Variants in ACOT13 observed in about 807,000 individuals in gnomAD.
The protein encoded by ACOT13 is acyl-CoA thioesterase 13, also known as acyl-coenzyme A thioesterase 13.
A neutral mutation model predicts 11.8 loss-of-function variants in ACOT13; 10 were observed. The observed-to-expected ratio is 0.85, with a 90% CI of 0.53 to 1.44. The LOEUF (loss-of-function observed/expected upper bound fraction) is 1.44, where lower values mean the gene tolerates loss of function less well. ACOT13 is among the 40% of genes most tolerant of loss of function. ACOT13 has a pLI of 0.00. For synonymous variants in ACOT13, 53 were observed against 61.0 expected (o/e 0.87, Z 0.61); for missense variants, 172 against 174.1 (o/e 0.99, Z 0.07).
At chr6:24,687,836 A>G in intron 1 of ACOT13, 1 of 864,924 alleles carries the variant, frequency 1.2e-6, no homozygotes. Flanking sequence ...TTCAGCCTCC[A>G]GAGCAGCTGG....
Position 24,703,021 on chromosome 6 carries a change from GA to G in ACOT13, c.*1408del, listed in dbSNP as rs1411930349. On this transcript the variant is annotated 3_prime_UTR_variant, in exon 3 of 3. Transcript: ENST00000230048. ...TCCACCTCAGTCTCCTGAGTAGCTG[GA>G]ACTACAGGCGTGTGCCACCACGCCT... is the stretch of plus-strand genomic sequence containing the variant. 7 of 152,234 alleles carry G rather than the reference GA, an allele frequency of 4.6e-5. No individual in the cohort carries two copies. Among genetic ancestry groups the G allele is most frequent in the African/African-American group, 1.7e-4 (7 of 41,478 alleles). The allele number at this position is 152,234 out of a possible 1,614,324, so 9.4% of individuals were successfully genotyped here.
chr6:24,681,495 C>CTT (rs34612446), intron 1 of ACOT13, among the ~76,000 whole-genome samples: 4 of 59,502 alleles, frequency 6.7e-5, no homozygotes, highest in East Asian at 1.4e-3. Flanking sequence ...ATAGGGCACA[C>CTT]TTTTTTTTTT....
intron 1 of ACOT13, among the ~76,000 whole-genome samples, chr6:24,676,723 G>T (rs1778460173): frequency 6.6e-6 from 1 of 152,112 alleles, no homozygotes. Context: ...CTAATAGAGG[G>T]TCCTGCCTTG....
In ACOT13 at chr6:24,675,535, G is replaced by A. The variant is rs2127622277; in HGVS notation, c.81+8191G>A. Reference sequence around the variant, plus strand: ...TGGCTGCATAAATGTCTTATTTTGAGAAGTGTCTGTTCATATCCTTTGCCC... The same window carrying A: ...TGGCTGCATAAATGTCTTATTTTGAAAAGTGTCTGTTCATATCCTTTGCCC... On this transcript the variant is annotated intron_variant, in intron 1 of 2. Coordinates refer to ENST00000230048, the MANE Select transcript of ACOT13 (RefSeq NM_018473.4). 1.3e-5 allele frequency among the ~76,000 whole-genome samples: 2 copies of A among 152,312 alleles called. 1 individual carries two copies. The highest frequency in any genetic ancestry group is 3.9e-4 in the East Asian group (2 of 5,174).
Position 24,694,217 on chromosome 6 carries a change from G to A in ACOT13, c.82-3666G>A, listed in dbSNP as rs529432284. On this transcript the variant is annotated intron_variant, in intron 1 of 2. Transcript: ENST00000230048. ...GTCCAACCTGCAGGATCCTGGGACTGAACACATCTGGACAGTTCTCTGTAT... is the reference window on the plus strand; with the variant it reads ...GTCCAACCTGCAGGATCCTGGGACTAAACACATCTGGACAGTTCTCTGTAT... 3.5e-4 allele frequency among the ~76,000 whole-genome samples: 54 copies of A among 152,278 alleles called. No individual in the cohort carries two copies. In the Middle Eastern group the frequency reaches 0.01, roughly 29 times the overall value.
chr6:24,674,523 G>A (rs1029247719), intron 1 of ACOT13, among the ~76,000 whole-genome samples: 10 of 151,868 alleles, frequency 6.6e-5, no homozygotes, highest in East Asian at 1.9e-4. Context: ...ATTCTCCTGC[G>A]TCAGCCTCCT....
chr6:24,697,962 C>T lies in ACOT13; in HGVS notation c.161C>T (p.Thr54Ile), dbSNP rs1223149370. ...GAAGAGCATACCAATGCAATAGGCA[C>T]TCTCCACGGCGGTTTGACAGCCACG... Reference protein sequence around the residue: ...VEEEHTNAIGTLHGGLTATLV... With the variant: ...VEEEHTNAIGILHGGLTATLV... Residue 54 changes from threonine (T) to isoleucine (I), a missense_variant, in exon 2 of 3, where the codon ACT (threonine) becomes ATT (isoleucine). By Grantham distance (89) the Thr-to-Ile change is moderately conservative. Transcript: ENST00000230048. 9 of 1,613,872 alleles carry T rather than the reference C, an allele frequency of 5.6e-6. No individual in the cohort carries two copies. The highest frequency in any genetic ancestry group is 7.6e-6 in the Non-Finnish European group (9 of 1,179,908).
In ACOT13 at chr6:24,703,685, T is replaced by TA. The variant is rs1778936096; in HGVS notation, c.*2071dup. 6.6e-6 allele frequency: 1 copy of TA among 152,204 alleles called. No individual in the cohort carries two copies. The highest frequency in any genetic ancestry group is 2.4e-5 in the African/African-American group (1 of 41,434). The allele number at this position is 152,204 out of a possible 1,614,324, so 9.4% of individuals were successfully genotyped here. ...CATAGTTAAAGACTGGTTTGGGTTT[T>TA]AGTCTGGAAAGAATCGCCAAGGGAG... On this transcript the variant is annotated 3_prime_UTR_variant, in exon 3 of 3. Transcript: ENST00000230048.
Position 24,701,769 on chromosome 6 carries a change from T to TG in ACOT13, c.*159dup, listed in dbSNP as rs1778896742. 7.2e-6 allele frequency: 5 copies of TG among 690,630 alleles called. No homozygotes were observed. Among genetic ancestry groups the TG allele is most frequent in the Non-Finnish European group, 1.1e-5 (5 of 451,094 alleles). The allele number at this position is 690,630 out of a possible 1,614,324, so 42.8% of individuals were successfully genotyped here. A position where few individuals can be genotyped will look rare whatever the true frequency, so the allele number is the denominator to read the frequency against. On this transcript the variant is annotated 3_prime_UTR_variant, in exon 3 of 3. Coordinates refer to ENST00000230048, the MANE Select transcript of ACOT13 (RefSeq NM_018473.4). ...ACCTGGATATCAAGTAGGGTAAAGG[T>TG]GGGGGTGTCTTTTTTCACTTTAAGC...
intron 1 of ACOT13, among the ~76,000 whole-genome samples, chr6:24,685,332 C>CCT: frequency 8.6e-6 from 1 of 116,784 alleles, no homozygotes; most frequent in Admixed American, 9.0e-5. Flanking sequence ...TTTTACTGTA[C>CCT]TTTTTTTTTT....
intron 2 of ACOT13, among the ~76,000 whole-genome samples, chr6:24,698,648 T>C (rs1778838312): frequency 6.6e-6 from 1 of 151,982 alleles, no homozygotes. Context: ...TGGGGTTTTT[T>C]TTTTTTTTTG....
At position 24,701,767 on chromosome 6, in the gene ACOT13, G is replaced by A; in HGVS notation, c.*152G>A. 1.4e-6 allele frequency: 1 copy of A among 703,246 alleles called. No individual in the cohort carries two copies. Among genetic ancestry groups the A allele is most frequent in the Non-Finnish European group, 2.2e-6 (1 of 461,540 alleles). 43.6% of individuals were successfully genotyped at this position (703,246 alleles called of 1,614,324 possible). ...GGACCTGGATATCAAGTAGGGTAAA[G>A]GTGGGGGTGTCTTTTTTCACTTTAA... On this transcript the variant is annotated 3_prime_UTR_variant, in exon 3 of 3. Coordinates refer to ENST00000230048, the MANE Select transcript of ACOT13 (RefSeq NM_018473.4).
chr6:24,672,543 G>A (rs113813343), intron 1 of ACOT13, among the ~76,000 whole-genome samples: 1 of 152,332 alleles, frequency 6.6e-6, no homozygotes, highest in African/African-American at 2.4e-5. Flanking sequence ...GGAGGCTGAG[G>A]CAGGAGAATC....
chr6:24,667,297 A>T lies in ACOT13; in HGVS notation c.34A>T (p.Ile12Leu), dbSNP rs1483665192. ...CATGACTCAGTCTCTGCGGGAGGTG[A>T]TAAAGGCCATGACCAAGGCTCGCAA... ...TSMTQSLREV[I>L]KAMTKARNFE... is the part of the protein sequence containing the mutation. Residue 12 changes from isoleucine (I) to leucine (L), a missense_variant, in exon 1 of 3, where the codon ATA (isoleucine) becomes TTA (leucine). By Grantham distance (5) the Ile-to-Leu change is conservative (BLOSUM62 2). Coordinates refer to ENST00000230048, the MANE Select transcript of ACOT13 (RefSeq NM_018473.4). 2 of 1,614,232 alleles carry T rather than the reference A, an allele frequency of 1.2e-6. No individual in the cohort carries two copies. Among genetic ancestry groups the T allele is most frequent in the South Asian group, 2.2e-5 (2 of 91,082 alleles).
chr6:24,673,382 A>G (rs1165427949), intron 1 of ACOT13, among the ~76,000 whole-genome samples: 1 of 151,638 alleles, frequency 6.6e-6, no homozygotes, highest in Non-Finnish European at 1.5e-5. Context: ...TTTTTTTGAA[A>G]TAGAGTCTCG....
chr6:24,676,183 G>C (rs1778452288), intron 1 of ACOT13, among the ~76,000 whole-genome samples: 1 of 152,140 alleles, frequency 6.6e-6, no homozygotes, highest in Non-Finnish European at 1.5e-5. Context: ...TTGTTCTTTT[G>C]GCTTAGGATT....
intron 2 of ACOT13, among the ~76,000 whole-genome samples, chr6:24,699,273 A>G (rs945958688): frequency 2.8e-5 from 4 of 142,734 alleles, no homozygotes; most frequent in Non-Finnish European, 4.5e-5. Flanking sequence ...GCAGTGGTGC[A>G]GTCTCGGCTC....
intron 1 of ACOT13, among the ~76,000 whole-genome samples, chr6:24,686,647 T>C (rs564372821): frequency 4.6e-5 from 7 of 151,694 alleles, no homozygotes; most frequent in Non-Finnish European, 8.8e-5. Context: ...CTTTCTCTCT[T>C]TCTTCTCTCT....
intron 2 of ACOT13, among the ~76,000 whole-genome samples, chr6:24,698,881 C>T (rs1230311362): frequency 6.6e-6 from 1 of 152,146 alleles, no homozygotes; most frequent in Non-Finnish European, 1.5e-5. Context: ...CCAGTGTCCA[C>T]CCACCTCAGC....
Sources: allele counts gnomAD v4.1 joint callset (sites outside exome capture counted in the v4.1 genomes callset), GRCh38; gene constraint gnomAD v4.1.1; transcripts MANE v1.5; gene names NCBI Gene and HGNC (gene_info 2026-07-23, HGNC 2026-07-21).